ACOT11: variants seen among roughly 807,000 people sequenced by gnomAD.
ACOT11 encodes acyl-CoA thioesterase 11, also known as acyl-coenzyme A thioesterase 11.
ACOT11 carries 69 observed loss-of-function variants against 77.5 expected under a neutral mutation model. That is an observed-to-expected ratio of 0.89 (90% CI 0.73 to 1.09). ACOT11 has a LOEUF of 1.09. Ranked by LOEUF, ACOT11 falls within the 50% of genes least tolerant of loss-of-function variation. ACOT11 has a pLI of 0.00. For missense variants in ACOT11, 766 were observed against 813.7 expected (o/e 0.94, Z 0.71); for synonymous variants, 279 against 313.0 (o/e 0.89, Z 1.15).
chr1:54,549,907 T>G (rs1357865805), intron 1 of ACOT11, among the ~76,000 whole-genome samples: 1 of 152,232 alleles, frequency 6.6e-6, no homozygotes. Flanking sequence ...TATGACTTTT[T>G]CCTTCATCAG....
intron 13 of ACOT11, 32 bp downstream of exon 13, chr1:54,605,241 C>T: frequency 6.9e-6 from 11 of 1,605,624 alleles, no homozygotes; most frequent in Non-Finnish European, 8.5e-6. Context: ...AGGGCAGTGT[C>T]CCTTCTCCGG....
chr1:54,548,471 C>G (rs570307733), intron 1 of ACOT11, 129 bp downstream of exon 1: 3 of 1,235,418 alleles, frequency 2.4e-6, no homozygotes, highest in Middle Eastern at 2.0e-4. Context: ...TTCTAGCTCT[C>G]TTTGGAAGGA....
intron 13 of ACOT11, among the ~76,000 whole-genome samples, chr1:54,605,846 T>G (rs992079773): frequency 6.6e-6 from 1 of 152,160 alleles, no homozygotes; most frequent in Admixed American, 6.5e-5. Context: ...CTTAGGAAAA[T>G]AGCAAAATTT....
At chr1:54,611,341 A>G (rs1284530658), downstream of ACOT11, among the ~76,000 whole-genome samples, 1 of 152,140 alleles carries the variant, frequency 6.6e-6, no homozygotes, top group Non-Finnish European at 1.5e-5. Flanking sequence ...CGGAGGTTAC[A>G]GGGAGCCGAG....
chr1:54,589,338 T>TTTG lies in ACOT11; in HGVS notation c.312-3208_312-3207insTTG, dbSNP rs1553163551. On this transcript the variant is annotated intron_variant, in intron 3 of 15. Transcript: ENST00000343744. ...GGCCCTTTTTTTTTTTTTTTTTTTT[T>TTTG]AGAGAAGGATTCTTTTTAAACACAA... Among the ~76,000 whole-genome samples the TTTG allele has an allele frequency of 3.4e-4, 50 of 146,820 alleles. 1 individual carries two copies. The highest frequency in any genetic ancestry group is 1.4e-3 in the East Asian group (7 of 4,830).
At chr1:54,619,998 A>G (rs1275005210) in intron 15 of ACOT11, 4 of 1,612,594 alleles carry the variant, frequency 2.5e-6, no homozygotes, top group Non-Finnish European at 3.4e-6. Context: ...GCAGGCCTCC[A>G]GCTCACAGCC....
chr1:54,554,317 G>A (rs529666677), intron 1 of ACOT11, among the ~76,000 whole-genome samples: 17,242 of 80,562 alleles, frequency 0.21, 1,575 homozygotes, highest in Non-Finnish European at 0.24. Flanking sequence ...GTGTGTGTGT[G>A]TGTGTGTGTG....
intron 15 of ACOT11, chr1:54,623,473 G>C: frequency 9.4e-7 from 1 of 1,060,932 alleles, no homozygotes; most frequent in East Asian, 2.4e-5. Context: ...GAATCCTGTG[G>C]GAGGCAGGAG....
chr1:54,559,857 A>G (rs1166125553), intron 1 of ACOT11, among the ~76,000 whole-genome samples: 3 of 152,206 alleles, frequency 2.0e-5, no homozygotes, highest in South Asian at 2.1e-4. Context: ...CCAGCTGGGC[A>G]GGGGCCCTGG....
chr1:54,602,264 G>A (rs1643973807), intron 9 of ACOT11, among the ~76,000 whole-genome samples: 1 of 152,226 alleles, frequency 6.6e-6, no homozygotes, highest in Non-Finnish European at 1.5e-5. Context: ...CTCCTCTGTA[G>A]AATGGATACA....
At chr1:54,615,962 A>G (rs1007441965) in intron 15 of ACOT11, 1 of 1,576,472 alleles carries the variant, frequency 6.3e-7, no homozygotes, top group Non-Finnish European at 8.7e-7. Context: ...ATCTCTGCAC[A>G]TGCTGCCCCA....
At chr1:54,611,651 A>C (rs758700038), downstream of ACOT11, 2 of 1,614,056 alleles carry the variant, frequency 1.2e-6, no homozygotes, top group East Asian at 2.2e-5. Context: ...AAGATGTCAT[A>C]GTAGACTTGG....
At position 54,607,991 on chromosome 1, in the gene ACOT11, G is replaced by C. The variant is rs772472330; in HGVS notation, c.1552G>C (p.Glu518Gln). 6.2e-7 allele frequency: 1 copy of C among 1,613,842 alleles called. No homozygotes were observed. Residue 518 changes from glutamate (E) to glutamine (Q), a missense_variant, in exon 15 of 16, where the codon GAG becomes CAG. By Grantham distance (29) the Glu-to-Gln change is conservative (BLOSUM62 2). Transcript: ENST00000343744. The surrounding 1 kb of genome is among the most constrained non-coding windows in gnomAD (Gnocchi z 4.5). ...LRSVTLPTHR[E>Q]TPEYRRGETL... ...GTCGGTCACGCTGCCCACACACCGA[G>C]AGACGCCAGAGTACAGACGCGGAGA...
intron 1 of ACOT11, among the ~76,000 whole-genome samples, chr1:54,583,270 G>A (rs957885176): frequency 3.3e-5 from 5 of 152,230 alleles, no homozygotes; most frequent in African/African-American, 4.8e-5. Flanking sequence ...GTGTTTCTGG[G>A]AACCCATAAG....
At chr1:54,592,179 C>T (rs1258971832) in intron 3 of ACOT11, among the ~76,000 whole-genome samples, 1 of 152,170 alleles carries the variant, frequency 6.6e-6, no homozygotes, top group Admixed American at 6.5e-5. Flanking sequence ...TGAGCCTCTG[C>T]AGGGCCTCTG....
chr1:54,604,197 C>T, intron 11 of ACOT11, 149 bp from the exon 12 acceptor site: 1 of 727,380 alleles, frequency 1.4e-6, no homozygotes, highest in Non-Finnish European at 2.3e-6. Context: ...TCTCAACGCC[C>T]AGGACTCTTT....
chr1:54,636,685 TGGTCA>T (rs1442395997), exon 17 of ACOT11: 1 of 151,422 alleles, frequency 6.6e-6, no homozygotes, highest in Non-Finnish European at 1.5e-5. Context: ...GGCTGGGGGA[TGGTCA>T]GGTCTTTCCC....
intron 15 of ACOT11, 66 bp from the exon 16 acceptor site, chr1:54,608,891 G>A: frequency 6.6e-7 from 1 of 1,518,498 alleles, no homozygotes. Context: ...TGCCCACTGG[G>A]CTCCCACCCC....
intron 15 of ACOT11, chr1:54,623,335 A>AG: frequency 6.2e-7 from 1 of 1,614,052 alleles, no homozygotes; most frequent in Non-Finnish European, 8.5e-7. Flanking sequence ...ACAGACACAC[A>AG]GGTAATGCCG....
Sources: allele counts gnomAD v4.1 joint callset (sites outside exome capture counted in the v4.1 genomes callset), GRCh38; gene constraint gnomAD v4.1.1; non-coding constraint Gnocchi (gnomAD v3.1); transcripts MANE v1.5; gene names NCBI Gene and HGNC (gene_info 2026-07-23, HGNC 2026-07-21).